Variants in ERI1 observed in about 807,000 individuals in gnomAD.
The protein encoded by ERI1 is exoribonuclease 1.
ERI1 carries 39 observed loss-of-function variants against 39.7 expected under a neutral mutation model. The ratio of observed to expected loss-of-function variants is 0.98; its 90% confidence interval spans 0.76 to 1.28. The LOEUF is 1.28. ERI1 is among the 50% of genes most tolerant of loss of function. The pLI, the probability that ERI1 is intolerant of heterozygous loss-of-function variation, is 0.00. For missense variants in ERI1, 581 were observed against 416.9 expected (o/e 1.39, Z -3.43); for synonymous variants, 204 against 149.6 (o/e 1.36, Z -2.65).
chr8:9,073,355 A>G (rs568065098), intron 3 of ERI1, among the ~76,000 whole-genome samples: 3 of 152,368 alleles, frequency 2.0e-5, no homozygotes, highest in Admixed American at 6.5e-5. Context: ...TTAGTAAAGT[A>G]TCTCAACTTA....
chr8:9,016,364 C>T lies in ERI1; in HGVS notation c.541C>T (p.Gln181Ter). 6.2e-7 allele frequency: 1 copy of T among 1,607,874 alleles called. No homozygotes were observed. Among genetic ancestry groups the T allele is most frequent in the Non-Finnish European group, 8.5e-7 (1 of 1,176,782 alleles). Residue 181 changes from glutamine to a stop codon, truncating the protein, a stop_gained, in exon 4 of 7, where the codon CAG becomes TAG. Coordinates refer to ENST00000250263, the MANE Select transcript of ERI1 (RefSeq NM_153332.4). LOFTEE classifies it high-confidence loss of function. ...GTATGTAAGACCAGAGATTAACACA[C>T]AGCTGTCTGATTTCTGCATCAGTCT... ...QQYVRPEINT[Q>*]LSDFCISLTG...
At position 9,033,086 on chromosome 8, in the gene ERI1, C is replaced by A. The variant is rs1797702760; in HGVS notation, c.*3052C>A. On this transcript the variant is annotated 3_prime_UTR_variant, in exon 7 of 7. Transcript: ENST00000250263. The stretch of plus-strand genomic sequence containing the variant: ...TTTTTCTATTATACTTAGAAATTTC[C>A]TCTTTGTTCTGCACCACCAACCTGT... 6.6e-6 allele frequency: 1 copy of A among 152,166 alleles called. No individual in the cohort carries two copies. The highest frequency in any genetic ancestry group is 1.9e-4 in the East Asian group (1 of 5,176). 9.4% of individuals were successfully genotyped at this position (152,166 alleles called of 1,614,324 possible). A position where few individuals can be genotyped will look rare whatever the true frequency, so the allele number is the denominator to read the frequency against.
At chr8:9,050,855 G>A (rs1321316063) in intron 3 of ERI1, among the ~76,000 whole-genome samples, 1 of 152,044 alleles carries the variant, frequency 6.6e-6, no homozygotes, top group African/African-American at 2.4e-5. Flanking sequence ...TTCTGCTGTG[G>A]GGACCAAAGA....
At chr8:9,096,532 GGCTC>G (rs1192348222) in intron 3 of ERI1, among the ~76,000 whole-genome samples, 1 of 152,038 alleles carries the variant, frequency 6.6e-6, no homozygotes, top group Non-Finnish European at 1.5e-5. Context: ...ACTGTGAAAG[GGCTC>G]ACTGTGAGGA....
Position 9,016,459 on chromosome 8 carries a change from G to C in ERI1, c.582+54G>C, listed in dbSNP as rs576466474. The C allele has an allele frequency of 3.5e-6, 4 of 1,128,466 alleles. No homozygotes were observed. The African/African-American group carries it at 4.8e-5, about 14-fold the overall frequency. The allele number at this position is 1,128,466 out of a possible 1,614,324, so 69.9% of individuals were successfully genotyped here. A position where few individuals can be genotyped will look rare whatever the true frequency, so the allele number is the denominator to read the frequency against. ...GTTTGAAAGAGTTCTTGAAATTAGG[G>C]ATTTATTTTATACATAATTTAAAAA... is the stretch of plus-strand genomic sequence containing the variant. On this transcript the variant is annotated intron_variant, in intron 4 of 6. Transcript: ENST00000250263.
intron 3 of ERI1, among the ~76,000 whole-genome samples, chr8:9,060,559 G>A (rs1375946682): frequency 1.3e-5 from 2 of 152,156 alleles, no homozygotes; most frequent in African/African-American, 2.4e-5. Flanking sequence ...TCTAAGAGAC[G>A]GGCTAGCGGC....
At chr8:9,037,640 C>T (rs138652931), downstream of ERI1, among the ~76,000 whole-genome samples, 106 of 152,084 alleles carry the variant, frequency 7.0e-4, no homozygotes, top group African/African-American at 2.3e-3. Context: ...AAGGTTAGTA[C>T]CTGTTCCTGA....
chr8:9,028,056 C>T (rs1340472018), intron 6 of ERI1, among the ~76,000 whole-genome samples: 2 of 152,158 alleles, frequency 1.3e-5, no homozygotes, highest in Non-Finnish European at 2.9e-5. Flanking sequence ...AGGTCTTTGT[C>T]AGGCTTTTGT....
chr8:9,047,995 A>G (rs7816450), intron 3 of ERI1, among the ~76,000 whole-genome samples: 21,160 of 152,072 alleles, frequency 0.14, 1,616 homozygotes, highest in African/African-American at 0.17. Flanking sequence ...ATGAAAGTCA[A>G]CTCTCTTGTC....
rs942588169 is a variant in ERI1 at position 9,030,241 on chromosome 8, A to T, written c.*207A>T. 8.2e-6 allele frequency: 5 copies of T among 612,438 alleles called. No homozygotes were observed. The African/African-American group carries it at 9.2e-5, about 11-fold the overall frequency. 37.9% of individuals were successfully genotyped at this position (612,438 alleles called of 1,614,324 possible). A position where few individuals can be genotyped will look rare whatever the true frequency, so the allele number is the denominator to read the frequency against. On this transcript the variant is annotated 3_prime_UTR_variant, in exon 7 of 7. Transcript: ENST00000250263. ...TTTGTCACCAGCACTTTTGATATGA[A>T]CAGTATTCGTTACATAGTAACAGTT... is the stretch of plus-strand genomic sequence containing the variant.
At chr8:9,054,662 C>G (rs149473878) in intron 3 of ERI1, among the ~76,000 whole-genome samples, 2 of 152,366 alleles carry the variant, frequency 1.3e-5, no homozygotes, top group African/African-American at 4.8e-5. Context: ...CCATGGCCCA[C>G]GCCTGTGATC....
chr8:9,003,451 T>C (rs1237885913), intron 1 of ERI1, among the ~76,000 whole-genome samples: 2 of 152,230 alleles, frequency 1.3e-5, no homozygotes, highest in East Asian at 1.9e-4. Flanking sequence ...TTAAACTTAA[T>C]TCTGTGTTCA....
At chr8:9,044,460 C>T (rs887696157) in intron 3 of ERI1, among the ~76,000 whole-genome samples, 1 of 152,112 alleles carries the variant, frequency 6.6e-6, no homozygotes, top group South Asian at 2.1e-4. Context: ...AGAGTTCACA[C>T]TGGCCCCCAT....
At chr8:9,013,361 G>A (rs1481782746) in intron 3 of ERI1, among the ~76,000 whole-genome samples, 4 of 151,248 alleles carry the variant, frequency 2.6e-5, no homozygotes, top group Non-Finnish European at 4.4e-5. Flanking sequence ...CTGCACTGCT[G>A]GCTTGAATAC....
chr8:9,008,119 T>C lies in ERI1; in HGVS notation c.258T>C (p.Ala86=). 1 of 1,599,374 alleles carries C rather than the reference T, an allele frequency of 6.3e-7. No homozygotes were observed. Among genetic ancestry groups the C allele is most frequent in the Non-Finnish European group, 8.5e-7 (1 of 1,174,800 alleles). Residue 86 remains alanine (A), a synonymous_variant, in exon 2 of 7, where the codon GCT becomes GCC. Transcript: ENST00000250263. ...GAATGAGTAAGGAAGAACTCAGAGCTAAGCTTTCAGAATTCAAGCTTGAAA... is the reference window on the plus strand; with the variant it reads ...GAATGAGTAAGGAAGAACTCAGAGCCAAGCTTTCAGAATTCAAGCTTGAAA... ...INRMSKEELR[A]KLSEFKLETR... is the part of the protein sequence containing the mutation.
At chr8:9,099,367 A>C (rs1379720195) in intron 3 of ERI1, among the ~76,000 whole-genome samples, 2 of 152,070 alleles carry the variant, frequency 1.3e-5, no homozygotes, top group Non-Finnish European at 2.9e-5. Flanking sequence ...TTAGGGAGCC[A>C]GGAGGTTTGC....
chr8:9,096,684 C>T (rs1459751331), intron 3 of ERI1: 2 of 149,320 alleles, frequency 1.3e-5, no homozygotes, highest in East Asian at 4.0e-4. Flanking sequence ...AATGAAATGT[C>T]CATCTCTTTA....
At chr8:9,037,425 GTT>G (rs1246999926), downstream of ERI1, among the ~76,000 whole-genome samples, 15 of 151,596 alleles carry the variant, frequency 9.9e-5, no homozygotes, top group Admixed American at 2.6e-4. Flanking sequence ...CCCTCTATTT[GTT>G]CATTGCACTT....
intron 3 of ERI1, among the ~76,000 whole-genome samples, chr8:9,056,030 G>C (rs141654662): frequency 6.6e-6 from 1 of 152,314 alleles, no homozygotes; most frequent in African/African-American, 2.4e-5. Context: ...ATCACTTTCT[G>C]AGCTCCAACA....
Sources: allele counts gnomAD v4.1 joint callset (sites outside exome capture counted in the v4.1 genomes callset), GRCh38; gene constraint gnomAD v4.1.1; transcripts MANE v1.5; gene names NCBI Gene and HGNC (gene_info 2026-07-23, HGNC 2026-07-21).